Variants in CNTNAP4 observed in about 807,000 individuals in gnomAD.
CNTNAP4 encodes contactin associated protein family member 4, also known as contactin-associated protein-like 4.
CNTNAP4 carries 98 observed loss-of-function variants against 148.4 expected under a neutral mutation model. That is an observed-to-expected ratio of 0.66 (90% CI 0.56 to 0.78). The LOEUF is 0.78. Ranked by LOEUF, CNTNAP4 falls within the 30% of genes least tolerant of loss-of-function variation. The pLI is 0.00. For synonymous variants in CNTNAP4, 730 were observed against 565.1 expected (o/e 1.29, Z -4.14); for missense variants, 1,935 against 1,565.6 (o/e 1.24, Z -3.98).
intron 1 of CNTNAP4, chr16:76,309,909 G>A: frequency 1.4e-6 from 1 of 701,938 alleles, no homozygotes; most frequent in Non-Finnish European, 2.6e-6. Flanking sequence ...GTGGAACTGT[G>A]AGTCCGGTTA....
intron 1 of CNTNAP4, among the ~76,000 whole-genome samples, chr16:76,296,253 A>G (rs1959283094): frequency 6.6e-6 from 1 of 152,180 alleles, no homozygotes; most frequent in East Asian, 1.9e-4. Context: ...TGAAGGTTTC[A>G]TAGGTGATTC....
chr16:76,356,011 A>C (rs753717971), intron 3 of CNTNAP4, among the ~76,000 whole-genome samples: 2 of 151,850 alleles, frequency 1.3e-5, no homozygotes, highest in African/African-American at 2.4e-5. Flanking sequence ...AGTAGCTTGG[A>C]TTATAGTCGC....
intron 1 of CNTNAP4, among the ~76,000 whole-genome samples, chr16:76,302,396 G>A (rs1027402263): frequency 2.6e-5 from 4 of 152,024 alleles, no homozygotes; most frequent in South Asian, 2.1e-4. Flanking sequence ...CTGAACCTCC[G>A]TTTATGGGCT....
At chr16:76,496,708 T>C (rs2082413128) in intron 14 of CNTNAP4, among the ~76,000 whole-genome samples, 1 of 152,260 alleles carries the variant, frequency 6.6e-6, no homozygotes, top group South Asian at 2.1e-4. Context: ...AAAAATGAAA[T>C]CTTTAAAGAA....
intron 1 of CNTNAP4, among the ~76,000 whole-genome samples, chr16:76,283,707 G>A (rs1344597296): frequency 6.6e-6 from 1 of 151,858 alleles, no homozygotes; most frequent in African/African-American, 2.4e-5. Flanking sequence ...TAACTAATGG[G>A]TACTAGGCTT....
At chr16:76,322,217 G>C (rs1962494753) in intron 2 of CNTNAP4, among the ~76,000 whole-genome samples, 1 of 152,184 alleles carries the variant, frequency 6.6e-6, no homozygotes, top group African/African-American at 2.4e-5. Flanking sequence ...CATGTGATTT[G>C]TTAGCACTGC....
At chr16:76,400,590 T>C (rs2078373558) in intron 3 of CNTNAP4, among the ~76,000 whole-genome samples, 1 of 152,212 alleles carries the variant, frequency 6.6e-6, no homozygotes, top group Admixed American at 6.6e-5. Flanking sequence ...TTGCTTTCAA[T>C]GTCTTTGTCA....
Position 76,504,329 on chromosome 16 carries a change from CA to C in CNTNAP4, c.2365+5636del, listed in dbSNP as rs533306932. ...GTTGCTTGACTTTTTACAAAGCTACCAGGGGAACTCAATGATGAAAGGATAG... is the reference window on the plus strand; with the variant it reads ...GTTGCTTGACTTTTTACAAAGCTACCGGGGAACTCAATGATGAAAGGATAG... On this transcript the variant is annotated intron_variant, in intron 15 of 23. Coordinates refer to ENST00000611870, the MANE Select transcript of CNTNAP4 (RefSeq NM_033401.5). Among the ~76,000 whole-genome samples, 542 of 151,488 alleles carry C rather than the reference CA, an allele frequency of 3.6e-3. 2 individuals carry two copies. Among genetic ancestry groups the C allele is most frequent in the African/African-American group, 0.013 (519 of 41,242 alleles).
At chr16:76,286,098 C>T (rs1237582458) in intron 1 of CNTNAP4, among the ~76,000 whole-genome samples, 2 of 150,976 alleles carry the variant, frequency 1.3e-5, no homozygotes, top group African/African-American at 2.5e-5. Flanking sequence ...GGTCAGCTGA[C>T]GACTGACCAA....
chr16:76,524,165 T>G (rs768761389), intron 17 of CNTNAP4, among the ~76,000 whole-genome samples: 8 of 152,228 alleles, frequency 5.3e-5, no homozygotes, highest in Admixed American at 3.3e-4. Context: ...ACTCAAATAT[T>G]TAATGAATAG....
At chr16:76,550,454 G>A (rs1327634740) in intron 21 of CNTNAP4, among the ~76,000 whole-genome samples, 2 of 152,114 alleles carry the variant, frequency 1.3e-5, no homozygotes, top group African/African-American at 4.8e-5. Flanking sequence ...GTTTGTAAGT[G>A]TGAGGCTTTT....
intron 3 of CNTNAP4, among the ~76,000 whole-genome samples, chr16:76,365,800 T>G (rs1280053422): frequency 6.6e-6 from 1 of 151,560 alleles, no homozygotes; most frequent in Admixed American, 6.6e-5. Context: ...TAATTACTTT[T>G]TATAAAGGTA....
intron 1 of CNTNAP4, among the ~76,000 whole-genome samples, chr16:76,298,911 G>T (rs1281676943): frequency 3.3e-5 from 5 of 152,244 alleles, no homozygotes; most frequent in African/African-American, 1.2e-4. Context: ...TATTAAATCA[G>T]TTCCTCTTTA....
chr16:76,454,964 A>C (rs2080666718), intron 8 of CNTNAP4, among the ~76,000 whole-genome samples: 1 of 152,200 alleles, frequency 6.6e-6, no homozygotes, highest in Non-Finnish European at 1.5e-5. Flanking sequence ...TGTATTGAGA[A>C]AGAACTGAAT....
chr16:76,325,543 C>T (rs994669601), intron 2 of CNTNAP4, among the ~76,000 whole-genome samples: 3 of 151,988 alleles, frequency 2.0e-5, no homozygotes, highest in African/African-American at 7.3e-5. Flanking sequence ...TAATACATTC[C>T]TCCAAAAGAA....
chr16:76,371,753 T>C (rs1430691055), intron 3 of CNTNAP4, among the ~76,000 whole-genome samples: 1 of 152,216 alleles, frequency 6.6e-6, no homozygotes, highest in East Asian at 1.9e-4. Flanking sequence ...AGCTCCAAGC[T>C]CAGGTGTTTA....
At chr16:76,404,358 A>G (rs966070977) in intron 3 of CNTNAP4, among the ~76,000 whole-genome samples, 1 of 152,004 alleles carries the variant, frequency 6.6e-6, no homozygotes, top group Non-Finnish European at 1.5e-5. Context: ...ACTTCCCTGA[A>G]GATAAATATA....
intron 23 of CNTNAP4, among the ~76,000 whole-genome samples, chr16:76,556,628 C>T (rs1176122082): frequency 6.6e-6 from 1 of 152,112 alleles, no homozygotes; most frequent in Non-Finnish European, 1.5e-5. Flanking sequence ...AGCCAGAGGC[C>T]TATAACTAGC....
At chr16:76,358,724 T>C (rs1020361508) in intron 3 of CNTNAP4, among the ~76,000 whole-genome samples, 5 of 152,182 alleles carry the variant, frequency 3.3e-5, no homozygotes, top group African/African-American at 1.2e-4. Flanking sequence ...AGTTGACAGA[T>C]AACTTTAAAT....
Sources: gnomAD v4.1 joint callset for allele counts (sites outside exome capture counted in the v4.1 genomes callset) on GRCh38, gnomAD v4.1.1 for gene constraint, MANE v1.5 for transcripts, NCBI Gene and HGNC (gene_info 2026-07-23, HGNC 2026-07-21) for gene names.